The following ASPM variants were observed in gnomAD, a reference collection of about 807,000 sequenced individuals.
The protein encoded by ASPM is abnormal spindle-like microcephaly-associated protein.
In ASPM, 256 loss-of-function variants were observed where a neutral mutation model predicts 366.4. The observed-to-expected ratio is 0.70, with a 90% confidence interval of 0.63 to 0.77. The LOEUF (loss-of-function observed/expected upper bound fraction) is 0.77, where lower values mean the gene tolerates loss of function less well. Ranked by LOEUF, ASPM falls within the 30% of genes least tolerant of loss-of-function variation. The pLI is 0.00. For synonymous variants in ASPM, 1,414 were observed against 1,342.9 expected, an observed-to-expected ratio of 1.05 and a Z score of -1.16; for missense variants, 4,146 against 4,090.4, an observed-to-expected ratio of 1.01 and a Z score of -0.37.
At chr1:197,099,382 T>C (rs1657084529) in intron 18 of ASPM, among the ~76,000 whole-genome samples, 1 of 151,630 alleles carries the variant, frequency 6.6e-6, no homozygotes, top group Admixed American at 6.6e-5. Flanking sequence ...CCATATCACT[T>C]TTTATTGTTT....
At position 197,084,244 on chromosome 1, in the gene ASPM, G is replaced by T; in HGVS notation, c.*80C>A. The T allele has an allele frequency of 9.5e-7, 1 of 1,049,922 alleles. No individual in the cohort carries two copies. Among genetic ancestry groups the T allele is most frequent in the Non-Finnish European group, 1.5e-6 (1 of 680,436 alleles). 65.0% of individuals were successfully genotyped at this position (1,049,922 alleles called of 1,614,324 possible). ...AGTCAGATTTTAAAAGTTGTACACGGAGAGCAAAAATCACTTTACGTACTC... is the reference window on the plus strand; with the variant it reads ...AGTCAGATTTTAAAAGTTGTACACGTAGAGCAAAAATCACTTTACGTACTC... On this transcript the variant is annotated 3_prime_UTR_variant, in exon 28 of 28. Transcript: ENST00000367409.
Position 197,125,105 on chromosome 1 carries a change from T to C in ASPM, c.3023A>G (p.Asn1008Ser). The C allele has an allele frequency of 1.9e-6, 3 of 1,614,046 alleles. No individual in the cohort carries two copies. Among genetic ancestry groups the C allele is most frequent in the South Asian group, 1.1e-5 (1 of 91,084 alleles). Reference sequence around the variant, plus strand: ...AAGAACTTGAAGAACAATGTCAACATTGTGCATCTTTTGAAGACGACTTAT... The same window carrying C: ...AAGAACTTGAAGAACAATGTCAACACTGTGCATCTTTTGAAGACGACTTAT... ...PAISRLQKMH[N>S]VDIVLQVLKS... Residue 1008 changes from asparagine (N) to serine (S), a missense_variant, in exon 11 of 28, where the codon AAT becomes AGT. By Grantham distance (46) the Asn-to-Ser change is conservative. This residue lies in a region of ASPM where 3,624 missense variants were observed against 3,591.7 expected (regional missense o/e 1.01). Transcript: ENST00000367409.
chr1:197,110,426 T>C (rs1657547153), intron 17 of ASPM, among the ~76,000 whole-genome samples: 1 of 151,978 alleles, frequency 6.6e-6, no homozygotes. Flanking sequence ...ACAAAATACA[T>C]CATAGGTCAA....
At position 197,096,072 on chromosome 1, in the gene ASPM, G is replaced by T; in HGVS notation, c.8913C>A (p.His2971Gln). The change falls in exon 19 of 28, where the codon CAC (histidine) becomes CAA (glutamine). Residue 2971 changes from histidine to glutamine, a missense_variant. His to Gln is a conservative substitution (Grantham distance 24). Around this residue, in one of 3 missense-constraint regions of ASPM, gnomAD observed 3,624 missense variants for 3,591.7 expected, o/e 1.01. Coordinates refer to ENST00000367409, the MANE Select transcript of ASPM (RefSeq NM_018136.5). ...IQAWYRCWRAHKEYLAILKAV... is the reference protein window; with the variant it reads ...IQAWYRCWRAQKEYLAILKAV... ...CTTTTAATATAGCTAGATATTCTTT[G>T]TGTGCTCTCCAACATCTATACCAGG... is the stretch of plus-strand genomic sequence containing the variant. 1 of 1,608,648 alleles carries T rather than the reference G, an allele frequency of 6.2e-7. No individual in the cohort carries two copies. The highest frequency in any genetic ancestry group is 8.5e-7 in the Non-Finnish European group (1 of 1,175,794).
Position 197,103,415 on chromosome 1 carries a change from C to A in ASPM, c.5836G>T (p.Glu1946Ter). 6.2e-7 allele frequency: 1 copy of A among 1,613,178 alleles called. No homozygotes were observed. Among genetic ancestry groups the A allele is most frequent in the Non-Finnish European group, 8.5e-7 (1 of 1,179,418 alleles). ...AGRKQCMEYI[E>*]LRHAVLVLQS... ...AGCACCAGTACCGCATGACGGAGTT[C>A]AATATACTCCATACATTGCTTCCTT... The change falls in exon 18 of 28, where the codon GAA (glutamate) becomes TAA (stop). Residue 1946 changes from glutamate (E) to a stop codon, truncating the protein, a stop_gained. Transcript: ENST00000367409. LOFTEE classifies it high-confidence loss of function.
intron 17 of ASPM, among the ~76,000 whole-genome samples, chr1:197,106,320 ATATT>A (rs1182448275): frequency 1.3e-5 from 2 of 152,096 alleles, no homozygotes; most frequent in African/African-American, 4.8e-5. Context: ...AGTTGTCAAA[ATATT>A]TATCCAACAA....
chr1:197,090,439 T>C (rs1267293933), intron 23 of ASPM, 51 bp from the exon 24 acceptor site: 3 of 1,356,074 alleles, frequency 2.2e-6, no homozygotes, highest in Non-Finnish European at 3.1e-6. Flanking sequence ...ATGTTTTCTA[T>C]TTATATCTAC....
At position 197,103,621 on chromosome 1, in the gene ASPM, G is replaced by A. The variant is rs146761962; in HGVS notation, c.5630C>T (p.Ala1877Val). The A allele has an allele frequency of 6.2e-7, 1 of 1,612,904 alleles. No homozygotes were observed. Among genetic ancestry groups the A allele is most frequent in the Non-Finnish European group, 8.5e-7 (1 of 1,179,432 alleles). Reference protein sequence around the residue: ...TRTHFLKTKAAVISLQSAYRG... With the variant: ...TRTHFLKTKAVVISLQSAYRG... ...ATAAGCAGACTGGAGGGAAATCACA[G>A]CTGCCTTTGTCTTCAAAAAATGTGT... Residue 1877 changes from alanine to valine, a missense_variant, in exon 18 of 28, where the codon GCT becomes GTT. Physicochemically the swap from Ala to Val is moderately conservative, Grantham distance 64. This residue lies in a region of ASPM where 3,624 missense variants were observed against 3,591.7 expected (regional missense o/e 1.01). Transcript: ENST00000367409.
chr1:197,133,942 T>C (rs1243104428), intron 5 of ASPM, among the ~76,000 whole-genome samples: 1 of 152,202 alleles, frequency 6.6e-6, no homozygotes, highest in Non-Finnish European at 1.5e-5. Flanking sequence ...ACCAATTGAA[T>C]TTTGAAATGT....
Position 197,146,150 on chromosome 1 carries a change from G to GA in ASPM, c.287dup (p.Val97ArgfsTer5). ...TCCTCCTGAGACCTACCTGCAACAC[G>GA]AAACAGCGCTGCGACACACTGAAGC... On this transcript the variant is annotated frameshift_variant, in exon 1 of 28. Coordinates refer to ENST00000367409, the MANE Select transcript of ASPM (RefSeq NM_018136.5). LOFTEE classifies it high-confidence loss of function. 1 of 1,614,054 alleles carries GA rather than the reference G, an allele frequency of 6.2e-7. No individual in the cohort carries two copies. The highest frequency in any genetic ancestry group is 8.5e-7 in the Non-Finnish European group (1 of 1,179,998).
At position 197,146,389 on chromosome 1, in the gene ASPM, C is replaced by T; in HGVS notation, c.49G>A (p.Glu17Lys). 1.9e-6 allele frequency: 3 copies of T among 1,609,732 alleles called. No individual in the cohort carries two copies. The highest frequency in any genetic ancestry group is 2.7e-5 in the African/African-American group (2 of 74,916). ...CGCAGCCCCGCGGGCGGCCTCCGCT[C>T]GGTCGGGCTCACTTCCCAGCAGCCT... ...GRGCWEVSPT[E>K]RRPPAGLRGP... Residue 17 changes from glutamate to lysine, a missense_variant, in exon 1 of 28, where the codon GAG becomes AAG. This residue lies in a region of ASPM where 512 missense variants were observed against 471.7 expected (regional missense o/e 1.09). Transcript: ENST00000367409.
In ASPM at chr1:197,089,932, T is replaced by C. The variant is rs1656720944; in HGVS notation, c.9982A>G (p.Lys3328Glu). The C allele has an allele frequency of 6.2e-7, 1 of 1,612,722 alleles. No homozygotes were observed. The highest frequency in any genetic ancestry group is 1.1e-5 in the South Asian group (1 of 91,020). The change falls in exon 25 of 28, where the codon AAG becomes GAG. Residue 3328 changes from lysine (K) to glutamate (E), a missense_variant and splice_region_variant. Physicochemically the swap from Lys to Glu is moderately conservative, Grantham distance 56 (BLOSUM62 1). Transcript: ENST00000367409. Reference protein sequence around the residue: ...YAVQVLLNVSKYEKTTSAVYD... With the variant: ...YAVQVLLNVSEYEKTTSAVYD... ...TCATTAATAAAATGAAAAACTACCT[T>C]AGATACATTAAGCAAGACTTGCACA...
chr1:197,132,444 A>G (rs760300689), intron 6 of ASPM, 92 bp from the exon 7 acceptor site: 1 of 989,478 alleles, frequency 1.0e-6, no homozygotes, highest in African/African-American at 1.6e-5. Context: ...AGTGGGAAAA[A>G]AATACTTGCT....
At position 197,104,235 on chromosome 1, in the gene ASPM, T is replaced by C. The variant is rs760353463; in HGVS notation, c.5016A>G (p.Lys1672=). ...IQSYYRAYVS[K]KEFLSLKNAT... is the part of the protein sequence containing the mutation. ...CATTTTTTAGGCTCAAAAATTCCTT[T>C]TTAGAAACATAAGCACGATAATATG... Residue 1672 remains lysine, a synonymous_variant, in exon 18 of 28, where the codon AAA becomes AAG. Coordinates refer to ENST00000367409, the MANE Select transcript of ASPM (RefSeq NM_018136.5). 3 of 1,612,624 alleles carry C rather than the reference T, an allele frequency of 1.9e-6. No homozygotes were observed. In the African/African-American group the frequency reaches 4.0e-5, roughly 22 times the overall value.
chr1:197,108,229 C>T (rs1055529533), intron 17 of ASPM, among the ~76,000 whole-genome samples: 1 of 149,404 alleles, frequency 6.7e-6, no homozygotes, highest in African/African-American at 2.4e-5. Context: ...AAAAAAAATA[C>T]CATATCAAAA....
At chr1:197,094,366 G>A (rs949726188) in intron 19 of ASPM, among the ~76,000 whole-genome samples, 186 bp from the exon 20 acceptor site, 2 of 151,748 alleles carry the variant, frequency 1.3e-5, no homozygotes, top group Admixed American at 1.3e-4. Context: ...ACACGCACAC[G>A]AAAGAAGTTT....
chr1:197,109,994 T>A (rs1349669956), intron 17 of ASPM, among the ~76,000 whole-genome samples: 2 of 152,064 alleles, frequency 1.3e-5, no homozygotes, highest in Non-Finnish European at 2.9e-5. Context: ...AGTAAAGTTG[T>A]CAGTGTACCT....
At chr1:197,091,149 G>C in intron 22 of ASPM, 108 bp from the exon 23 acceptor site, 1 of 1,024,930 alleles carries the variant, frequency 9.8e-7, no homozygotes. Flanking sequence ...AGTATATCAA[G>C]AAATCTTTCA....
Position 197,104,427 on chromosome 1 carries a change from T to C in ASPM, c.4824A>G (p.Ala1608=). The change falls in exon 18 of 28, where the codon GCA becomes GCG. Residue 1608 remains alanine, a synonymous_variant. Transcript: ENST00000367409. ...GGAAATGAGTCTGAATTATAACAGCTGCTTTCTTCATCTTCTTATATTTCT... is the reference window on the plus strand; with the variant it reads ...GGAAATGAGTCTGAATTATAACAGCCGCTTTCTTCATCTTCTTATATTTCT... ...QRQKYKKMKK[A]AVIIQTHFRA... 6.2e-7 allele frequency: 1 copy of C among 1,613,056 alleles called. No homozygotes were observed. Among genetic ancestry groups the C allele is most frequent in the East Asian group, 2.2e-5 (1 of 44,808 alleles).
Sources: allele counts gnomAD v4.1 joint callset (sites outside exome capture counted in the v4.1 genomes callset), GRCh38; gene constraint gnomAD v4.1.1; regional missense constraint gnomAD v4.1.1; transcripts MANE v1.5; gene names NCBI Gene and HGNC (gene_info 2026-07-23, HGNC 2026-07-21).